VTI1A: variants seen among roughly 807,000 people sequenced by gnomAD.
VTI1A encodes vesicle transport through interaction with t-SNAREs homolog 1A.
VTI1A carries 22 observed loss-of-function variants against 34.9 expected under a neutral mutation model. The observed-to-expected ratio is 0.63, with a 90% CI of 0.45 to 0.90. The LOEUF (loss-of-function observed/expected upper bound fraction) is 0.90, where lower values mean the gene tolerates loss of function less well. Ranked by LOEUF, VTI1A falls within the 40% of genes least tolerant of loss-of-function variation. The pLI, the probability that VTI1A is intolerant of heterozygous loss-of-function variation, is 0.00. For missense variants in VTI1A, 268 were observed against 275.6 expected, an observed-to-expected ratio of 0.97 and a Z score of 0.20; for synonymous variants, 87 against 97.3, an observed-to-expected ratio of 0.89 and a Z score of 0.62.
chr10:112,548,864 G>T, intron 5 of VTI1A: 10 of 1,412,036 alleles, frequency 7.1e-6, no homozygotes, highest in Non-Finnish European at 7.7e-6. Flanking sequence ...TTACCGGAAC[G>T]GTGATCAATC....
chr10:112,805,385 G>A (rs971936598), intron 7 of VTI1A, among the ~76,000 whole-genome samples: 2 of 152,166 alleles, frequency 1.3e-5, no homozygotes, highest in Admixed American at 1.3e-4. Context: ...TTGGAACACA[G>A]CCATGCTTAT....
chr10:112,717,420 G>A (rs575762993), intron 7 of VTI1A, among the ~76,000 whole-genome samples: 1 of 152,202 alleles, frequency 6.6e-6, no homozygotes, highest in Admixed American at 6.5e-5. Flanking sequence ...TGCTTGGCTG[G>A]GTGTTCTGGC....
chr10:112,657,128 A>G (rs1489114410), intron 5 of VTI1A, among the ~76,000 whole-genome samples: 1 of 152,182 alleles, frequency 6.6e-6, no homozygotes, highest in African/African-American at 2.4e-5. Flanking sequence ...GAGACAGTTA[A>G]ACCCCTTTTC....
At chr10:112,629,844 A>G (rs774891328) in intron 5 of VTI1A, among the ~76,000 whole-genome samples, 2 of 152,186 alleles carry the variant, frequency 1.3e-5, no homozygotes, top group Non-Finnish European at 2.9e-5. Flanking sequence ...CCAGCCTCAT[A>G]TGAGCCAAAT....
At chr10:112,736,789 G>A in intron 7 of VTI1A, 2 of 1,490,808 alleles carry the variant, frequency 1.3e-6, no homozygotes, top group Non-Finnish European at 9.2e-7. Flanking sequence ...GAACCAGCCA[G>A]TGGAAATTAC....
At chr10:112,538,863 C>CAT (rs1226301819) in intron 5 of VTI1A, among the ~76,000 whole-genome samples, 3 of 151,892 alleles carry the variant, frequency 2.0e-5, no homozygotes, top group Admixed American at 1.3e-4. Context: ...ATGAAAAAGT[C>CAT]ATAGCAAGGA....
chr10:112,849,332 C>T, the VTI1A span, among the ~76,000 whole-genome samples: 3 of 152,208 alleles, frequency 2.0e-5, no homozygotes, highest in Non-Finnish European at 2.9e-5. Context: ...GCATTCATCC[C>T]GCAGTGGGGC....
chr10:112,534,506 T>A (rs1223096108), intron 4 of VTI1A, among the ~76,000 whole-genome samples: 1 of 152,168 alleles, frequency 6.6e-6, no homozygotes, highest in Non-Finnish European at 1.5e-5. Flanking sequence ...TTTTTTTTAT[T>A]GGTATGTCAT....
chr10:112,770,912 C>T (rs1297064334), intron 7 of VTI1A, among the ~76,000 whole-genome samples: 1 of 152,066 alleles, frequency 6.6e-6, no homozygotes, highest in African/African-American at 2.4e-5. Context: ...TTTCAAATGA[C>T]ATGTTTTAGA....
At chr10:112,583,996 C>G (rs1844054009) in intron 5 of VTI1A, among the ~76,000 whole-genome samples, 1 of 152,160 alleles carries the variant, frequency 6.6e-6, no homozygotes, top group Non-Finnish European at 1.5e-5. Flanking sequence ...ATAATGTTCT[C>G]TTTTCTTCTC....
chr10:112,557,756 T>G (rs1235022691), intron 5 of VTI1A, among the ~76,000 whole-genome samples: 2 of 152,210 alleles, frequency 1.3e-5, no homozygotes, highest in African/African-American at 4.8e-5. Context: ...CATCTTTCTC[T>G]TTAGATAACT....
the VTI1A span, chr10:112,827,140 C>T: frequency 6.6e-6 from 1 of 152,332 alleles, no homozygotes; most frequent in East Asian, 1.9e-4. Context: ...AGAGATAATT[C>T]ATTAGGCCCG....
the VTI1A span, among the ~76,000 whole-genome samples, chr10:112,850,110 C>T: frequency 9.9e-5 from 15 of 152,198 alleles, no homozygotes; most frequent in Middle Eastern, 6.8e-3. Context: ...TTTTTCTCTC[C>T]GTGAATATAA....
chr10:112,628,057 T>TA, intron 5 of VTI1A, among the ~76,000 whole-genome samples: 1 of 152,240 alleles, frequency 6.6e-6, no homozygotes, highest in Admixed American at 6.5e-5. Flanking sequence ...TTTTTCTTTT[T>TA]AAAAAATAAA....
intron 7 of VTI1A, among the ~76,000 whole-genome samples, chr10:112,789,674 C>T (rs1244207608): frequency 6.6e-6 from 1 of 152,100 alleles, no homozygotes; most frequent in Admixed American, 6.6e-5. Context: ...TTTTCGAGTT[C>T]ATAATTCCTC....
chr10:112,782,396 C>T (rs1221127807), intron 7 of VTI1A, among the ~76,000 whole-genome samples: 1 of 152,278 alleles, frequency 6.6e-6, no homozygotes, highest in Non-Finnish European at 1.5e-5. Context: ...GGCCCTTTGG[C>T]GTCTTTTTCG....
chr10:112,466,339 T>C (rs1564788382), intron 3 of VTI1A, among the ~76,000 whole-genome samples: 1 of 152,206 alleles, frequency 6.6e-6, no homozygotes. Context: ...TTGTTTTGTA[T>C]GTGAATGGCT....
chr10:112,636,652 C>G (rs1436122479), intron 5 of VTI1A, among the ~76,000 whole-genome samples: 1 of 147,086 alleles, frequency 6.8e-6, no homozygotes, highest in African/African-American at 2.5e-5. Flanking sequence ...TTGCTTGAAC[C>G]TGGGAGGCGG....
chr10:112,479,621 G>A (rs1848398726), intron 3 of VTI1A, among the ~76,000 whole-genome samples: 1 of 152,024 alleles, frequency 6.6e-6, no homozygotes, highest in African/African-American at 2.4e-5. Flanking sequence ...GACTGTTTTG[G>A]CATAAGACTA....
Sources: gnomAD v4.1 joint callset for allele counts (sites outside exome capture counted in the v4.1 genomes callset) on GRCh38, gnomAD v4.1.1 for gene constraint, MANE v1.5 for transcripts, NCBI Gene and HGNC (gene_info 2026-07-23, HGNC 2026-07-21) for gene names.